Variants in HEATR5B observed in about 807,000 individuals in gnomAD.
The protein encoded by HEATR5B is HEAT repeat containing 5B.
A neutral mutation model predicts 224.1 loss-of-function variants in HEATR5B; 156 were observed. The ratio of observed to expected loss-of-function variants is 0.70; its 90% CI spans 0.61 to 0.80. The LOEUF (loss-of-function observed/expected upper bound fraction) is 0.80, where lower values mean the gene tolerates loss of function less well. Ranked by LOEUF, HEATR5B falls within the 30% of genes least tolerant of loss-of-function variation. The probability of loss-of-function intolerance (pLI) is 0.00; values close to 1 mark genes in which losing one functional copy is unlikely to be tolerated. For missense variants in HEATR5B, 2,323 were observed against 2,535.5 expected, an observed-to-expected ratio of 0.92 and a Z score of 1.80; for synonymous variants, 1,027 against 893.0, an observed-to-expected ratio of 1.15 and a Z score of -2.68.
chr2:36,990,641 A>T lies in HEATR5B; in HGVS notation c.5697+7T>A. On this transcript the variant is annotated splice_region_variant and intron_variant, in intron 34 of 35. Coordinates refer to ENST00000233099, the MANE Select transcript of HEATR5B (RefSeq NM_019024.3). ...TTTTATCTATGTCTGTGTAACGTGT[A>T]ACTTACCCATGGGTCGCATGAATTT... 6.4e-7 allele frequency: 1 copy of T among 1,561,278 alleles called. No homozygotes were observed. Among genetic ancestry groups the T allele is most frequent in the East Asian group, 2.3e-5 (1 of 44,014 alleles).
intron 27 of HEATR5B, among the ~76,000 whole-genome samples, chr2:37,010,386 A>T (rs776170944): frequency 1.3e-5 from 2 of 152,204 alleles, no homozygotes; most frequent in Non-Finnish European, 2.9e-5. Context: ...AAGCAGACTT[A>T]CAGCACAGAG....
At chr2:37,038,086 C>A in intron 20 of HEATR5B, 62 bp from the exon 21 acceptor site, 1 of 1,109,558 alleles carries the variant, frequency 9.0e-7, no homozygotes, top group South Asian at 2.3e-5. Flanking sequence ...CAAAAATATT[C>A]CTAGTAAACA....
At chr2:36,998,130 T>C (rs938173449) in intron 33 of HEATR5B, among the ~76,000 whole-genome samples, 1 of 152,230 alleles carries the variant, frequency 6.6e-6, no homozygotes, top group Admixed American at 6.5e-5. Flanking sequence ...CAGTTTTAGA[T>C]AACGTGGAAA....
At chr2:37,023,173 A>G (rs1668570267) in intron 24 of HEATR5B, among the ~76,000 whole-genome samples, 3 of 152,232 alleles carry the variant, frequency 2.0e-5, no homozygotes, top group South Asian at 4.1e-4. Context: ...ATCTGAAATG[A>G]AAACTACACT....
intron 11 of HEATR5B, among the ~76,000 whole-genome samples, chr2:37,061,246 T>C (rs1363338099): frequency 6.6e-6 from 1 of 152,204 alleles, no homozygotes; most frequent in East Asian, 1.9e-4. Context: ...ATATTTACAT[T>C]GCTAAAAAAT....
intron 23 of HEATR5B, 82 bp downstream of exon 23, chr2:37,028,599 G>A: frequency 9.6e-7 from 1 of 1,038,186 alleles, no homozygotes. Context: ...TTACATGTAT[G>A]TATCTTTATA....
chr2:37,046,099 T>C (rs1670174576), intron 18 of HEATR5B, among the ~76,000 whole-genome samples: 1 of 152,204 alleles, frequency 6.6e-6, no homozygotes, highest in South Asian at 2.1e-4. Flanking sequence ...AAACTTCATT[T>C]TGAACAATGG....
At position 36,981,216 on chromosome 2, in the gene HEATR5B, T is replaced by A; in HGVS notation, c.*274A>T. ...ATACAATTGTTTTTAGCATTTAAATTTAAGACTATGGCTCAGTGTTTGAAA... is the reference window on the plus strand; with the variant it reads ...ATACAATTGTTTTTAGCATTTAAATATAAGACTATGGCTCAGTGTTTGAAA... On this transcript the variant is annotated 3_prime_UTR_variant, in exon 36 of 36. Transcript: ENST00000233099. 3.4e-6 allele frequency: 1 copy of A among 290,844 alleles called. No individual in the cohort carries two copies. The highest frequency in any genetic ancestry group is 6.3e-6 in the Non-Finnish European group (1 of 159,278). 18.0% of individuals were successfully genotyped at this position (290,844 alleles called of 1,614,324 possible).
chr2:37,055,897 T>C (rs991208146), intron 16 of HEATR5B, among the ~76,000 whole-genome samples: 1 of 152,236 alleles, frequency 6.6e-6, no homozygotes, highest in Non-Finnish European at 1.5e-5. Context: ...AGGAATAGTG[T>C]CTGTGGATAC....
At chr2:37,002,956 T>G (rs1667186480) in intron 31 of HEATR5B, among the ~76,000 whole-genome samples, 1 of 152,138 alleles carries the variant, frequency 6.6e-6, no homozygotes, top group Non-Finnish European at 1.5e-5. Context: ...TGATTAATTC[T>G]TTTTTTAATT....
chr2:37,035,442 T>C (rs1669417363), intron 21 of HEATR5B, among the ~76,000 whole-genome samples: 1 of 152,206 alleles, frequency 6.6e-6, no homozygotes, highest in Admixed American at 6.5e-5. Context: ...TTGAGTATCC[T>C]TGCAATACTA....
intron 7 of HEATR5B, among the ~76,000 whole-genome samples, chr2:37,069,360 TATGATTTTG>T (rs1476031013): frequency 6.6e-6 from 1 of 152,244 alleles, no homozygotes; most frequent in African/African-American, 2.4e-5. Flanking sequence ...AAGGTACAGT[TATGATTTTG>T]ACTAAAATCG....
In HEATR5B at chr2:36,981,560, G is replaced by T; in HGVS notation, c.6146C>A (p.Ala2049Glu). ...VRASQASKAK[A>E]AARQPAPAIH... ...GGCGGGGGCTGGTTGTCTGGCAGCC[G>T]CTTTAGCTTTGCTCGCTTGGCTTGC... is the stretch of plus-strand genomic sequence containing the variant. The change falls in exon 36 of 36, where the codon GCG (alanine) becomes GAG (glutamate). Residue 2049 changes from alanine to glutamate, a missense_variant. Transcript: ENST00000233099. 1 of 1,614,138 alleles carries T rather than the reference G, an allele frequency of 6.2e-7. No homozygotes were observed. Among genetic ancestry groups the T allele is most frequent in the Non-Finnish European group, 8.5e-7 (1 of 1,180,026 alleles).
At position 37,072,267 on chromosome 2, in the gene HEATR5B, T is replaced by C. The variant is rs1430257111; in HGVS notation, c.612A>G (p.Leu204=). The change falls in exon 6 of 36, where the codon CTA becomes CTG. Residue 204 remains leucine (L), a synonymous_variant. Transcript: ENST00000233099. The part of the protein sequence containing the change: ...RCAVAKCLLE[L]QNEAVFMWTA... ...TCCACATAAATACAGCTTCATTCTGTAGTTCTAGTAGACACTGGAATTAAA... is the reference window on the plus strand; with the variant it reads ...TCCACATAAATACAGCTTCATTCTGCAGTTCTAGTAGACACTGGAATTAAA... 1 of 1,607,452 alleles carries C rather than the reference T, an allele frequency of 6.2e-7. No homozygotes were observed. The highest frequency in any genetic ancestry group is 1.1e-5 in the South Asian group (1 of 90,378).
chr2:36,992,406 C>T (rs887968879), intron 33 of HEATR5B, among the ~76,000 whole-genome samples: 1 of 152,030 alleles, frequency 6.6e-6, no homozygotes, highest in African/African-American at 2.4e-5. Context: ...TATGCTGAGA[C>T]CCTGTCTCTA....
intron 26 of HEATR5B, among the ~76,000 whole-genome samples, chr2:37,015,204 AG>A (rs886510416): frequency 3.3e-5 from 5 of 152,218 alleles, no homozygotes; most frequent in African/African-American, 9.7e-5. Flanking sequence ...AGATGTGATT[AG>A]GAAAGTTAAT....
At chr2:37,045,500 T>C (rs1670134004) in intron 18 of HEATR5B, among the ~76,000 whole-genome samples, 1 of 152,228 alleles carries the variant, frequency 6.6e-6, no homozygotes, top group Non-Finnish European at 1.5e-5. Context: ...AGGAGGTCTT[T>C]CTATTCTGAA....
intron 27 of HEATR5B, among the ~76,000 whole-genome samples, chr2:37,010,102 AATC>A (rs1419060284): frequency 1.3e-4 from 20 of 152,202 alleles, no homozygotes; most frequent in Non-Finnish European, 2.6e-4. Flanking sequence ...TTCTTTATTG[AATC>A]ATATTTATTT....
Position 36,981,459 on chromosome 2 carries a change from C to G in HEATR5B, c.*31G>C. On this transcript the variant is annotated 3_prime_UTR_variant, in exon 36 of 36. Transcript: ENST00000233099. ...CCATCACTAATTAGGGGCTAGTTGA[C>G]AACATAAATACAAATAAATGAAATT... is the stretch of plus-strand genomic sequence containing the variant. 1 of 1,550,630 alleles carries G rather than the reference C, an allele frequency of 6.4e-7. No individual in the cohort carries two copies. The highest frequency in any genetic ancestry group is 8.8e-7 in the Non-Finnish European group (1 of 1,141,168).
Sources: gnomAD v4.1 joint callset for allele counts (sites outside exome capture counted in the v4.1 genomes callset) on GRCh38, gnomAD v4.1.1 for gene constraint, MANE v1.5 for transcripts, NCBI Gene and HGNC (gene_info 2026-07-23, HGNC 2026-07-21) for gene names.